The following PHACTR1 variants were observed in gnomAD, a reference collection of about 807,000 sequenced individuals.
The protein encoded by PHACTR1 is phosphatase and actin regulator 1.
PHACTR1 carries 16 observed loss-of-function variants against 69.2 expected under a neutral mutation model. The observed-to-expected ratio is 0.23, with a 90% CI of 0.16 to 0.35. PHACTR1 has a LOEUF of 0.35. PHACTR1 is among the 10% of genes least tolerant of loss of function. The probability of loss-of-function intolerance (pLI) is 1.00; values close to 1 mark genes in which losing one functional copy is unlikely to be tolerated. For missense variants in PHACTR1, 510 were observed against 734.7 expected, an observed-to-expected ratio of 0.69 and a Z score of 3.54; for synonymous variants, 312 against 284.5, an observed-to-expected ratio of 1.10 and a Z score of -0.97.
At chr6:12,879,823 A>G (rs1024788973) in intron 4 of PHACTR1, among the ~76,000 whole-genome samples, 1 of 151,818 alleles carries the variant, frequency 6.6e-6, no homozygotes, top group Non-Finnish European at 1.5e-5. Context: ...TCTCTACCCC[A>G]CCTCTTCCAC....
intron 5 of PHACTR1, among the ~76,000 whole-genome samples, chr6:13,096,171 C>T (rs1302684448): frequency 6.6e-6 from 1 of 152,142 alleles, no homozygotes; most frequent in Non-Finnish European, 1.5e-5. Context: ...CCTCACCCCT[C>T]CTTTTTTAAA....
intron 6 of PHACTR1, among the ~76,000 whole-genome samples, chr6:13,177,644 C>T (rs769818835): frequency 8.5e-5 from 13 of 152,088 alleles, no homozygotes; most frequent in Non-Finnish European, 1.5e-5. Flanking sequence ...TATTGATCAC[C>T]CCAAAACCAG....
chr6:12,817,973 G>A (rs1775780308), intron 4 of PHACTR1, among the ~76,000 whole-genome samples: 1 of 151,994 alleles, frequency 6.6e-6, no homozygotes, highest in African/African-American at 2.4e-5. Flanking sequence ...ACAGGCGCCT[G>A]CCACCATGCC....
chr6:13,092,130 G>A (rs1813385528), intron 5 of PHACTR1, among the ~76,000 whole-genome samples: 1 of 152,128 alleles, frequency 6.6e-6, no homozygotes, highest in Non-Finnish European at 1.5e-5. Flanking sequence ...TAATGCCACT[G>A]ATCTGACAGG....
intron 4 of PHACTR1, among the ~76,000 whole-genome samples, chr6:12,898,940 C>T (rs1784940470): frequency 6.6e-6 from 1 of 152,202 alleles, no homozygotes; most frequent in South Asian, 2.1e-4. Flanking sequence ...GCCCTTTGCA[C>T]ATGCTGTTCC....
chr6:13,283,036 T>C lies in PHACTR1; in HGVS notation c.1510-386T>C, dbSNP rs1483222570. 6.6e-6 allele frequency among the ~76,000 whole-genome samples: 1 copy of C among 152,202 alleles called. No homozygotes were observed. Among genetic ancestry groups the C allele is most frequent in the East Asian group, 1.9e-4 (1 of 5,200 alleles). On this transcript the variant is annotated intron_variant, in intron 12 of 14. Coordinates refer to ENST00000332995, the MANE Select transcript of PHACTR1 (RefSeq NM_030948.6). This position sits in a 1 kb window ranked among gnomAD's most constrained non-coding sequence, Gnocchi z 4.7. The stretch of plus-strand genomic sequence containing the variant: ...ATGCCTGTGATTTGTTTCAAAGCAA[T>C]CTACATGTGGATGTAGTCAAGAGTT...
chr6:13,285,915 C>A (rs1781589150), intron 13 of PHACTR1, among the ~76,000 whole-genome samples: 1 of 152,200 alleles, frequency 6.6e-6, no homozygotes, highest in Non-Finnish European at 1.5e-5. Context: ...GGAAGAAAAA[C>A]ACACTTTGGG....
At chr6:13,067,220 C>T (rs935494262) in intron 5 of PHACTR1, among the ~76,000 whole-genome samples, 3 of 152,082 alleles carry the variant, frequency 2.0e-5, no homozygotes, top group African/African-American at 7.2e-5. Flanking sequence ...TGCATCAGAC[C>T]CATATAGTAT....
rs1321670938 is a variant in PHACTR1 at position 12,944,785 on chromosome 6, TTA to T, written c.251-108578_251-108577del. Among the ~76,000 whole-genome samples the T allele has an allele frequency of 3.5e-5, 4 of 115,022 alleles. No individual in the cohort carries two copies. The East Asian group carries it at 7.4e-4, about 21-fold the overall frequency. The allele number at this position is 115,022 out of a possible 152,430, so 75.5% of individuals were successfully genotyped here. On this transcript the variant is annotated intron_variant, in intron 4 of 14. Coordinates refer to ENST00000332995, the MANE Select transcript of PHACTR1 (RefSeq NM_030948.6). ...TATTTATTTATTTATTTATTTTTAT[TTA>T]TTTTTTTTTTTTTGAGACGGAGTCT...
At chr6:12,996,692 G>A (rs1305763991) in intron 4 of PHACTR1, among the ~76,000 whole-genome samples, 1 of 152,072 alleles carries the variant, frequency 6.6e-6, no homozygotes, top group Non-Finnish European at 1.5e-5. Flanking sequence ...AGAAAGAGAA[G>A]GAATGTTCAA....
rs75000004 is a variant in PHACTR1 at position 13,007,405 on chromosome 6, C to G, written c.251-45960C>G. 9.1e-3 allele frequency among the ~76,000 whole-genome samples: 1,384 copies of G among 152,240 alleles called. 19 individuals are homozygous for G. The highest frequency in any genetic ancestry group is 0.032 in the African/African-American group (1,337 of 41,534). On this transcript the variant is annotated intron_variant, in intron 4 of 14. Coordinates refer to ENST00000332995, the MANE Select transcript of PHACTR1 (RefSeq NM_030948.6). ...TGAATACTTTGGAACAACTAGAAGTCTCACTAATCTCTGATAATTTTCAAC... is the reference window on the plus strand; with the variant it reads ...TGAATACTTTGGAACAACTAGAAGTGTCACTAATCTCTGATAATTTTCAAC...
rs544549733 is a variant in PHACTR1 at position 12,883,532 on chromosome 6, T to A, written c.250+133742T>A. ...GCCCGTCCAAGCTTTTTTTTTTTTTTAAAGGTAGAAAGTCTGAAAAAATAA... is the reference window on the plus strand; with the variant it reads ...GCCCGTCCAAGCTTTTTTTTTTTTTAAAAGGTAGAAAGTCTGAAAAAATAA... On this transcript the variant is annotated intron_variant, in intron 4 of 14. Transcript: ENST00000332995. 3.4e-3 allele frequency among the ~76,000 whole-genome samples: 509 copies of A among 151,220 alleles called. 2 individuals are homozygous for A. The highest frequency in any genetic ancestry group is 0.012 in the African/African-American group (487 of 41,192).
intron 8 of PHACTR1, among the ~76,000 whole-genome samples, chr6:13,212,311 A>G (rs1336450899): frequency 6.6e-6 from 1 of 152,188 alleles, no homozygotes; most frequent in Admixed American, 6.5e-5. Flanking sequence ...GTCGCTGTCC[A>G]ACTCACTAAG....
rs1407091371 is a variant in PHACTR1 at position 13,206,052 on chromosome 6, G to C, written c.902G>C (p.Gly301Ala). 1 of 1,613,768 alleles carries C rather than the reference G, an allele frequency of 6.2e-7. No individual in the cohort carries two copies. The highest frequency in any genetic ancestry group is 2.2e-5 in the East Asian group (1 of 44,864). The change falls in exon 8 of 15, where the codon GGC becomes GCC. Residue 301 changes from glycine to alanine, a missense_variant. Gly to Ala is a moderately conservative substitution (Grantham distance 60). Around this residue, in one of 2 missense-constraint regions of PHACTR1, gnomAD observed 419 missense variants for 530.9 expected, o/e 0.79. Transcript: ENST00000332995. ...GGCCAGCACCTCCCCTCCACCACCGGCTCCCTCCCCATGCACCCCTCGGGC... is the reference window on the plus strand; with the variant it reads ...GGCCAGCACCTCCCCTCCACCACCGCCTCCCTCCCCATGCACCCCTCGGGC... ...SHGQHLPSTT[G>A]SLPMHPSGCR...
rs1581740689 is a variant in PHACTR1 at position 12,786,099 on chromosome 6, A to G, written c.250+36309A>G. 3.3e-5 allele frequency among the ~76,000 whole-genome samples: 5 copies of G among 152,344 alleles called. No homozygotes were observed. In the South Asian group the frequency reaches 1.0e-3, roughly 32 times the overall value. ...AAATATCAACATAGTGATTAGAAAGACTGCATATTCTTCCCCAGTGAATGG... is the reference window on the plus strand; with the variant it reads ...AAATATCAACATAGTGATTAGAAAGGCTGCATATTCTTCCCCAGTGAATGG... On this transcript the variant is annotated intron_variant, in intron 4 of 14. Coordinates refer to ENST00000332995, the MANE Select transcript of PHACTR1 (RefSeq NM_030948.6).
chr6:13,114,466 A>G (rs1027932063), intron 5 of PHACTR1, among the ~76,000 whole-genome samples: 2 of 152,174 alleles, frequency 1.3e-5, no homozygotes, highest in African/African-American at 4.8e-5. Flanking sequence ...ACGTTCTTCT[A>G]TTAGAGGATG....
intron 4 of PHACTR1, among the ~76,000 whole-genome samples, chr6:12,886,731 A>G (rs1311392219): frequency 6.6e-6 from 1 of 152,188 alleles, no homozygotes; most frequent in Non-Finnish European, 1.5e-5. Flanking sequence ...CCTGATGCTG[A>G]AAGGAGAGAA....
intron 4 of PHACTR1, among the ~76,000 whole-genome samples, chr6:13,015,281 T>C (rs1181985839): frequency 6.6e-6 from 1 of 152,172 alleles, no homozygotes; most frequent in Non-Finnish European, 1.5e-5. Context: ...TTGATTAAAC[T>C]GCAAGAGAGG....
chr6:12,768,453 T>C (rs75930117), intron 4 of PHACTR1, among the ~76,000 whole-genome samples: 196 of 152,280 alleles, frequency 1.3e-3, no homozygotes, highest in African/African-American at 4.6e-3. Context: ...GAAACAGTTA[T>C]CACCATCAAA....
Sources: allele counts gnomAD v4.1 joint callset (sites outside exome capture counted in the v4.1 genomes callset), GRCh38; gene constraint gnomAD v4.1.1; regional missense constraint gnomAD v4.1.1; non-coding constraint Gnocchi (gnomAD v3.1); transcripts MANE v1.5; gene names NCBI Gene and HGNC (gene_info 2026-07-23, HGNC 2026-07-21).